Variants in SHANK1 observed in about 807,000 individuals in gnomAD.
SHANK1 encodes the protein SH3 and multiple ankyrin repeat domains 1, also known as SH3 and multiple ankyrin repeat domains protein 1.
In SHANK1, 35 loss-of-function variants were observed where a neutral mutation model predicts 165.6. The observed-to-expected ratio is 0.21, with a 90% CI of 0.16 to 0.28. The LOEUF (loss-of-function observed/expected upper bound fraction) is 0.28, where lower values mean the gene tolerates loss of function less well. Ranked by LOEUF, SHANK1 falls within the 10% of genes least tolerant of loss-of-function variation. SHANK1 has a pLI of 1.00. For synonymous variants in SHANK1, 1,428 were observed against 1,384.8 expected, an observed-to-expected ratio of 1.03 and a Z score of -0.69; for missense variants, 2,681 against 3,036.4, an observed-to-expected ratio of 0.88 and a Z score of 2.75.
chr19:50,699,875 TGGA>T (rs1412710390), intron 12 of SHANK1, among the ~76,000 whole-genome samples: 1 of 145,056 alleles, frequency 6.9e-6, no homozygotes, highest in East Asian at 2.1e-4. Context: ...CTCGGGGCAT[TGGA>T]GGATTGGAGG....
Position 50,659,381 on chromosome 19 carries a change from G to C in SHANK1, c.*2584C>G. 2.8e-6 allele frequency: 1 copy of C among 356,248 alleles called. No individual in the cohort carries two copies. Among genetic ancestry groups the C allele is most frequent in the Non-Finnish European group, 5.0e-6 (1 of 199,858 alleles). 22.1% of individuals were successfully genotyped at this position (356,248 alleles called of 1,614,324 possible). A position where few individuals can be genotyped will look rare whatever the true frequency, so the allele number is the denominator to read the frequency against. On this transcript the variant is annotated 3_prime_UTR_variant, in exon 24 of 24. Coordinates refer to ENST00000293441, the MANE Select transcript of SHANK1 (RefSeq NM_016148.5). The stretch of plus-strand genomic sequence containing the variant: ...ATGGGGGGTAGGAATGAACCCCCAT[G>C]TTATAATCCCGCGTCCCTAATCTTC...
intron 21 of SHANK1, among the ~76,000 whole-genome samples, chr19:50,677,645 T>C (rs1986023732): frequency 6.6e-6 from 1 of 152,098 alleles, no homozygotes; most frequent in African/African-American, 2.4e-5. Context: ...CAATAAATAT[T>C]TGTAGAAGGA....
At position 50,716,138 on chromosome 19, in the gene SHANK1, G is replaced by T; in HGVS notation, c.459+137C>A. 1.2e-6 allele frequency: 1 copy of T among 802,562 alleles called. No individual in the cohort carries two copies. The highest frequency in any genetic ancestry group is 1.6e-5 in the South Asian group (1 of 61,748). The allele number at this position is 802,562 out of a possible 1,614,324, so 49.7% of individuals were successfully genotyped here. A position where few individuals can be genotyped will look rare whatever the true frequency, so the allele number is the denominator to read the frequency against. ...GAACTCAGGACTCTCTGACTTCCCT[G>T]TGATGCTTAGAAGGTCTGGACTCGC... On this transcript the variant is annotated intron_variant, in intron 3 of 23. Coordinates refer to ENST00000293441, the MANE Select transcript of SHANK1 (RefSeq NM_016148.5). This position sits in a 1 kb window ranked among gnomAD's most constrained non-coding sequence, Gnocchi z 8.4.
intron 15 of SHANK1, among the ~76,000 whole-genome samples, chr19:50,692,497 G>A (rs1986573075): frequency 7.4e-6 from 1 of 135,942 alleles, no homozygotes; most frequent in African/African-American, 3.0e-5. Context: ...GTGGTGATCT[G>A]AGGCAGGGAG....
chr19:50,666,842 G>A lies in SHANK1; in HGVS notation c.5118C>T (p.Gly1706=). Residue 1706 remains glycine, a synonymous_variant, in exon 23 of 24, where the codon GGC becomes GGT. Coordinates refer to ENST00000293441, the MANE Select transcript of SHANK1 (RefSeq NM_016148.5). ...TLSSLSAEGG[G]SAGGGGGAGA... is the part of the protein sequence containing the mutation. ...CAGCCCCGCCCCCACCCCCTGCGCT[G>A]CCACCACCTTCGGCAGATAGGCTGC... is the stretch of plus-strand genomic sequence containing the variant. 6.4e-7 allele frequency: 1 copy of A among 1,555,664 alleles called. No homozygotes were observed. Among genetic ancestry groups the A allele is most frequent in the Non-Finnish European group, 8.7e-7 (1 of 1,150,704 alleles).
Position 50,668,852 on chromosome 19 carries a change from TGGAGGGTCGTCG to T in SHANK1, c.3096_3107del (p.Asp1033_Pro1036del). 1 of 1,248,134 alleles carries T rather than the reference TGGAGGGTCGTCG, an allele frequency of 8.0e-7. No individual in the cohort carries two copies. Among genetic ancestry groups the T allele is most frequent in the East Asian group, 3.2e-5 (1 of 30,978 alleles). 77.3% of individuals were successfully genotyped at this position (1,248,134 alleles called of 1,614,324 possible). A position where few individuals can be genotyped will look rare whatever the true frequency, so the allele number is the denominator to read the frequency against. Reference sequence around the variant, plus strand: ...GCTGGGGCCCCAGAGCCAGGCGGGGTGGAGGGTCGTCGGGAGAGCCGCCTGTCTCCATCTCGG... The same window carrying T: ...GCTGGGGCCCCAGAGCCAGGCGGGGTGGAGAGCCGCCTGTCTCCATCTCGG... On this transcript the variant is annotated inframe_deletion, in exon 23 of 24. Coordinates refer to ENST00000293441, the MANE Select transcript of SHANK1 (RefSeq NM_016148.5).
chr19:50,669,951 C>T (rs529997690), intron 22 of SHANK1, among the ~76,000 whole-genome samples: 6 of 152,252 alleles, frequency 3.9e-5, no homozygotes, highest in East Asian at 1.9e-4. Context: ...TGCCAAGGCT[C>T]GGTCTTTGAA....
chr19:50,689,671 C>T (rs975380928), intron 15 of SHANK1, among the ~76,000 whole-genome samples: 1 of 152,110 alleles, frequency 6.6e-6, no homozygotes, highest in African/African-American at 2.4e-5. Context: ...CCTCAGTTCC[C>T]TCATCTATAA....
Position 50,661,697 on chromosome 19 carries a change from T to A in SHANK1, c.*268A>T. 2.1e-6 allele frequency: 1 copy of A among 474,932 alleles called. No homozygotes were observed. The highest frequency in any genetic ancestry group is 3.8e-6 in the Non-Finnish European group (1 of 262,058). The allele number at this position is 474,932 out of a possible 1,614,324, so 29.4% of individuals were successfully genotyped here. A position where few individuals can be genotyped will look rare whatever the true frequency, so the allele number is the denominator to read the frequency against. On this transcript the variant is annotated 3_prime_UTR_variant, in exon 24 of 24. Coordinates refer to ENST00000293441, the MANE Select transcript of SHANK1 (RefSeq NM_016148.5). The stretch of plus-strand genomic sequence containing the variant: ...GAATAGGCCCTTCCCTCCTTCTCAA[T>A]TCCCCTCTGTAATTTCTCCTATCCC...
In SHANK1 at chr19:50,702,055, C is replaced by T. The variant is rs1454488823; in HGVS notation, c.1747+412G>A. ...AGTTAAGGCTGCTCGGCCTCACGCT[C>T]TGCACCAGGTGGCAGGAAGGACTGT... On this transcript the variant is annotated intron_variant, in intron 12 of 23. Coordinates refer to ENST00000293441, the MANE Select transcript of SHANK1 (RefSeq NM_016148.5). The surrounding 1 kb of genome is among the most constrained non-coding windows in gnomAD (Gnocchi z 5.3). 2.0e-5 allele frequency among the ~76,000 whole-genome samples: 3 copies of T among 152,238 alleles called. No homozygotes were observed. The highest frequency in any genetic ancestry group is 7.2e-5 in the African/African-American group (3 of 41,460).
rs373692844 is a variant in SHANK1 at position 50,697,112 on chromosome 19, C to A, written c.1948G>T (p.Gly650Trp). The A allele has an allele frequency of 6.2e-6, 10 of 1,613,750 alleles. No individual in the cohort carries two copies. The highest frequency in any genetic ancestry group is 7.6e-6 in the Non-Finnish European group (9 of 1,179,944). The stretch of plus-strand genomic sequence containing the variant: ...GCCTCTCACCTCCCTGGGCCAATCC[C>A]ATCCATTAAGCTTCCGAAGCAAGTC... ...DSFDAPSLMD[G>W]IGPGSDYIIK... The change falls in exon 15 of 24, where the codon GGG becomes TGG. Residue 650 changes from glycine (G) to tryptophan (W), a missense_variant. Coordinates refer to ENST00000293441, the MANE Select transcript of SHANK1 (RefSeq NM_016148.5). This position sits in a 1 kb window ranked among gnomAD's most constrained non-coding sequence, Gnocchi z 4.7.
At chr19:50,708,491 C>T (rs568070550) in intron 8 of SHANK1, among the ~76,000 whole-genome samples, 1 of 151,840 alleles carries the variant, frequency 6.6e-6, no homozygotes, top group Non-Finnish European at 1.5e-5. Flanking sequence ...TCCCACCCCC[C>T]CCAACCCCGC....
At position 50,718,716 on chromosome 19, in the gene SHANK1, G is replaced by C. The variant is rs983861529; in HGVS notation, c.-44+690C>G. On this transcript the variant is annotated intron_variant, in intron 1 of 23. Coordinates refer to ENST00000293441, the MANE Select transcript of SHANK1 (RefSeq NM_016148.5). This position sits in a 1 kb window ranked among gnomAD's most constrained non-coding sequence, Gnocchi z 5.1. ...GCGTGGCCGAGAGCGGGGCCGGGGAGAATGAATGGAGGCGGAGGGAGGCGG... is the reference window on the plus strand; with the variant it reads ...GCGTGGCCGAGAGCGGGGCCGGGGACAATGAATGGAGGCGGAGGGAGGCGG... Among the ~76,000 whole-genome samples, 12 of 147,748 alleles carry C rather than the reference G, an allele frequency of 8.1e-5. No homozygotes were observed. In the South Asian group the frequency reaches 2.0e-3, roughly 25 times the overall value.
At position 50,667,628 on chromosome 19, in the gene SHANK1, C is replaced by T; in HGVS notation, c.4332G>A (p.Leu1444=). Residue 1444 remains leucine, a synonymous_variant, in exon 23 of 24, where the codon CTG becomes CTA. Coordinates refer to ENST00000293441, the MANE Select transcript of SHANK1 (RefSeq NM_016148.5). The surrounding 1 kb of genome is among the most constrained non-coding windows in gnomAD (Gnocchi z 5.7). ...GAGCGGTGGGCGGCAGGCGGTGTAG[C>T]AGGGAACGCCGGGCGGCGGGCGGGC... ...PASPPAARRS[L]LHRLPPTAPG... 1 of 1,426,152 alleles carries T rather than the reference C, an allele frequency of 7.0e-7. No homozygotes were observed. The highest frequency in any genetic ancestry group is 9.1e-7 in the Non-Finnish European group (1 of 1,100,456). The allele number at this position is 1,426,152 out of a possible 1,614,324, so 88.3% of individuals were successfully genotyped here.
At chr19:50,683,566 G>A (rs1476001929) in intron 21 of SHANK1, among the ~76,000 whole-genome samples, 1 of 152,218 alleles carries the variant, frequency 6.6e-6, no homozygotes, top group Non-Finnish European at 1.5e-5. Context: ...AGGAACGCTA[G>A]ACAGCTCTTC....
chr19:50,698,235 TG>T (rs1030863250), intron 12 of SHANK1, among the ~76,000 whole-genome samples: 18 of 152,164 alleles, frequency 1.2e-4, no homozygotes, highest in African/African-American at 3.4e-4. Flanking sequence ...AATTGGTCCT[TG>T]TCTCCCCTGG....
At position 50,666,516 on chromosome 19, in the gene SHANK1, G is replaced by C; in HGVS notation, c.5444C>G (p.Pro1815Arg). The change falls in exon 23 of 24, where the codon CCG (proline) becomes CGG (arginine). Residue 1815 changes from proline to arginine, a missense_variant. This residue lies in a region of SHANK1 where 1,713 missense variants were observed against 1,630.2 expected (regional missense o/e 1.05). Coordinates refer to ENST00000293441, the MANE Select transcript of SHANK1 (RefSeq NM_016148.5). ...TGGGACTTCTGGCTCTACAGCCACC[G>C]GACCCCCCGCCACGCCTGCCGTGGG... Reference protein sequence around the residue: ...GPPTAGVAGGPVAVEPEVPPV... With the variant: ...GPPTAGVAGGRVAVEPEVPPV... 1 of 1,584,660 alleles carries C rather than the reference G, an allele frequency of 6.3e-7. No individual in the cohort carries two copies. The highest frequency in any genetic ancestry group is 1.1e-5 in the South Asian group (1 of 88,304).
Position 50,713,613 on chromosome 19 carries a change from T to A in SHANK1, c.792+185A>T, listed in dbSNP as rs527381223. On this transcript the variant is annotated intron_variant, in intron 6 of 23. Transcript: ENST00000293441. This position sits in a 1 kb window ranked among gnomAD's most constrained non-coding sequence, Gnocchi z 6.2. ...TGATGTCAGCTATAGCCCAGGTGGG[T>A]GCATCTGGGGGGCCTGACAAGGGTG... 1.3e-5 allele frequency among the ~76,000 whole-genome samples: 2 copies of A among 151,888 alleles called. No homozygotes were observed. Among genetic ancestry groups the A allele is most frequent in the Non-Finnish European group, 2.9e-5 (2 of 67,918 alleles).
Position 50,702,546 on chromosome 19 carries a change from T to G in SHANK1, c.1668A>C (p.Gly556=), listed in dbSNP as rs752507645. 8 of 1,613,130 alleles carry G rather than the reference T, an allele frequency of 5.0e-6. No homozygotes were observed. ...RRRKLYSAVP[G]RSFMAVKSYQ... ...AGGACTTCACAGCCATGAAGGAGCG[T>G]CCGGGTACCGCTGAGTAGAGCTTCC... The change falls in exon 12 of 24, where the codon GGA becomes GGC. Residue 556 remains glycine (G), a synonymous_variant. Transcript: ENST00000293441. The surrounding 1 kb of genome is among the most constrained non-coding windows in gnomAD (Gnocchi z 5.3).
Sources: allele counts gnomAD v4.1 joint callset (sites outside exome capture counted in the v4.1 genomes callset), GRCh38; gene constraint gnomAD v4.1.1; regional missense constraint gnomAD v4.1.1; non-coding constraint Gnocchi (gnomAD v3.1); transcripts MANE v1.5; gene names NCBI Gene and HGNC (gene_info 2026-07-23, HGNC 2026-07-21).